KAT2B: variants seen among roughly 807,000 people sequenced by gnomAD.
The protein encoded by KAT2B is histone acetyltransferase KAT2B.
In KAT2B, 36 loss-of-function variants were observed where a neutral mutation model predicts 105.9. The observed-to-expected ratio is 0.34, with a 90% confidence interval of 0.26 to 0.45. KAT2B has a LOEUF of 0.45. KAT2B is among the 20% of genes least tolerant of loss of function. KAT2B has a pLI of 1.00. For missense variants in KAT2B, 820 were observed against 1,021.6 expected (o/e 0.80, Z 2.69); for synonymous variants, 397 against 377.9 (o/e 1.05, Z -0.59).
At chr3:20,070,313 T>C (rs867020559) in intron 1 of KAT2B, among the ~76,000 whole-genome samples, 15 of 120,826 alleles carry the variant, frequency 1.2e-4, no homozygotes, top group Non-Finnish European at 2.5e-4. Context: ...TTCTTTCTTT[T>C]TTTTTTTTTT....
chr3:20,060,924 G>T (rs532570482), intron 1 of KAT2B, among the ~76,000 whole-genome samples: 1 of 151,810 alleles, frequency 6.6e-6, no homozygotes, highest in Non-Finnish European at 1.5e-5. Context: ...CTGGGCAACA[G>T]AGTGAGACCC....
At chr3:20,140,614 C>T (rs1203912090) in intron 13 of KAT2B, among the ~76,000 whole-genome samples, 1 of 152,110 alleles carries the variant, frequency 6.6e-6, no homozygotes, top group African/African-American at 2.4e-5. Flanking sequence ...CCTCAGCCTC[C>T]CGAGTAGCTA....
At chr3:20,091,200 C>T (rs940246445) in intron 2 of KAT2B, among the ~76,000 whole-genome samples, 9 of 152,050 alleles carry the variant, frequency 5.9e-5, no homozygotes, top group African/African-American at 2.2e-4. Flanking sequence ...TTAGTTTGTT[C>T]AGATTTTCTA....
chr3:20,111,793 G>A lies in KAT2B; in HGVS notation c.1043+6G>A. The A allele has an allele frequency of 6.2e-7, 1 of 1,608,804 alleles. No individual in the cohort carries two copies. The highest frequency in any genetic ancestry group is 8.5e-7 in the Non-Finnish European group (1 of 1,177,330). ...ATCCTCACTCATTTCCCAAAGTAAGGGAGAGTTTTTGCTGGTCTTTGTTTG... is the reference window on the plus strand; with the variant it reads ...ATCCTCACTCATTTCCCAAAGTAAGAGAGAGTTTTTGCTGGTCTTTGTTTG... On this transcript the variant is annotated splice_donor_region_variant and intron_variant, in intron 6 of 17. Coordinates refer to ENST00000263754, the MANE Select transcript of KAT2B (RefSeq NM_003884.5).
chr3:20,065,991 G>T (rs1205855569), intron 1 of KAT2B, among the ~76,000 whole-genome samples: 2 of 152,158 alleles, frequency 1.3e-5, no homozygotes, highest in African/African-American at 2.4e-5. Context: ...AAAATATGTG[G>T]CTTAAAACAA....
chr3:20,101,104 G>C, intron 4 of KAT2B, 183 bp from the exon 5 acceptor site: 2 of 571,090 alleles, frequency 3.5e-6, no homozygotes, highest in South Asian at 4.9e-5. Flanking sequence ...TTCATCCACC[G>C]TGATCTGAGG....
At chr3:20,105,714 T>A (rs943776301) in intron 5 of KAT2B, among the ~76,000 whole-genome samples, 13 of 151,498 alleles carry the variant, frequency 8.6e-5, no homozygotes, top group Admixed American at 7.9e-4. Context: ...GGAGGATTGC[T>A]TGAGCCCGGG....
chr3:20,108,501 G>C (rs1699061775), intron 5 of KAT2B, among the ~76,000 whole-genome samples: 1 of 152,162 alleles, frequency 6.6e-6, no homozygotes, highest in Non-Finnish European at 1.5e-5. Flanking sequence ...CACATATAAT[G>C]ACAGTAGTCC....
chr3:20,100,032 C>T (rs1025971370), intron 4 of KAT2B, 78 bp downstream of exon 4: 17 of 756,490 alleles, frequency 2.2e-5, no homozygotes, highest in African/African-American at 2.1e-4. Context: ...ATATCTCTAT[C>T]TACGGCTTCC....
chr3:20,152,624 G>A lies in KAT2B; in HGVS notation c.*99G>A. Reference sequence around the variant, plus strand: ...AGAATTGGACATGATGTATTGAAGAGACTTGTAAATGTAATAATTAGCACT... The same window carrying A: ...AGAATTGGACATGATGTATTGAAGAAACTTGTAAATGTAATAATTAGCACT... On this transcript the variant is annotated 3_prime_UTR_variant, in exon 18 of 18. Transcript: ENST00000263754. The A allele has an allele frequency of 1.1e-6, 1 of 893,130 alleles. No homozygotes were observed. Among genetic ancestry groups the A allele is most frequent in the Non-Finnish European group, 1.7e-6 (1 of 596,436 alleles). The allele number at this position is 893,130 out of a possible 1,614,324, so 55.3% of individuals were successfully genotyped here.
rs572494444 is a variant in KAT2B, at chr3:20,054,624, C to T, written c.303+13844C>T. On this transcript the variant is annotated intron_variant, in intron 1 of 17. Transcript: ENST00000263754. ...TACTCTTGGCTTGTGCAGCTTTTTG[C>T]GAGGTTTGTGTGGTATGCAGGAGGT... 9.3e-4 allele frequency among the ~76,000 whole-genome samples: 141 copies of T among 152,132 alleles called. 1 individual carries two copies. The highest frequency in any genetic ancestry group is 3.4e-3 in the African/African-American group (139 of 41,492).
Position 20,124,644 on chromosome 3 carries a change from G to T in KAT2B, c.1414-1261G>T, listed in dbSNP as rs185969568. On this transcript the variant is annotated intron_variant, in intron 9 of 17. Coordinates refer to ENST00000263754, the MANE Select transcript of KAT2B (RefSeq NM_003884.5). ...TCACACATTCAAACTACATCAGGAT[G>T]CAGTCACATGTTTGAAAATATTTTG... Among the ~76,000 whole-genome samples the T allele has an allele frequency of 2.6e-5, 4 of 152,330 alleles. No homozygotes were observed. The East Asian group carries it at 7.7e-4, about 29-fold the overall frequency.
intron 8 of KAT2B, among the ~76,000 whole-genome samples, chr3:20,122,046 A>G (rs918293414): frequency 2.0e-5 from 3 of 152,288 alleles, no homozygotes; most frequent in East Asian, 3.9e-4. Context: ...GGTGGAATTA[A>G]CATGACTACA....
At chr3:20,118,328 TTGTGTGTGTGTGTGTG>T (rs10558647) in intron 7 of KAT2B, among the ~76,000 whole-genome samples, 2 of 139,198 alleles carry the variant, frequency 1.4e-5, no homozygotes, top group Admixed American at 7.4e-5. Context: ...TCTCCTAAAT[TTGTGTGTGTGTGTGTG>T]TGTGTGTGTG....
intron 2 of KAT2B, 96 bp downstream of exon 2, chr3:20,072,555 T>C: frequency 1.8e-6 from 2 of 1,140,792 alleles, no homozygotes; most frequent in Non-Finnish European, 1.3e-6. Flanking sequence ...ATTTGAATGC[T>C]GTGTACCTCT....
intron 9 of KAT2B, 82 bp from the exon 10 acceptor site, chr3:20,125,823 G>C: frequency 8.9e-7 from 1 of 1,128,068 alleles, no homozygotes; most frequent in South Asian, 1.3e-5. Flanking sequence ...TTAGAACAAA[G>C]ATGAGAAGCT....
intron 1 of KAT2B, 91 bp from the exon 2 acceptor site, chr3:20,072,242 C>G (rs1041458056): frequency 1.4e-5 from 18 of 1,318,888 alleles, no homozygotes; most frequent in Non-Finnish European, 1.7e-5. Flanking sequence ...GGATAGCTGT[C>G]ATATAATTAG....
intron 3 of KAT2B, among the ~76,000 whole-genome samples, chr3:20,096,354 A>T (rs182228187): frequency 6.1e-4 from 93 of 152,192 alleles, no homozygotes; most frequent in African/African-American, 2.2e-3. Context: ...CAAGCTTCTG[A>T]TTAGAGCCAG....
chr3:20,099,027 T>C (rs1483931964), intron 3 of KAT2B, among the ~76,000 whole-genome samples: 3 of 149,296 alleles, frequency 2.0e-5, no homozygotes, highest in South Asian at 4.2e-4. Context: ...CATATCTAAC[T>C]GACCCACATG....
Sources: allele counts gnomAD v4.1 joint callset (sites outside exome capture counted in the v4.1 genomes callset), GRCh38; gene constraint gnomAD v4.1.1; transcripts MANE v1.5; gene names NCBI Gene and HGNC (gene_info 2026-07-23, HGNC 2026-07-21).